TBCD: variants seen among roughly 807,000 people sequenced by gnomAD.
The protein encoded by TBCD is tubulin folding cofactor D, also known as tubulin-specific chaperone D.
TBCD carries 105 observed loss-of-function variants against 169.3 expected under a neutral mutation model. The ratio of observed to expected loss-of-function variants is 0.62; its 90% CI spans 0.53 to 0.73. TBCD has a LOEUF of 0.73. Among genes scored for constraint, TBCD ranks in the 30% least tolerant of loss-of-function variants. The pLI is 0.00. For synonymous variants in TBCD, 700 were observed against 643.9 expected (o/e 1.09, Z -1.32); for missense variants, 1,444 against 1,600.1 (o/e 0.90, Z 1.66).
chr17:82,907,785 G>C lies in TBCD; in HGVS notation c.1947G>C (p.Glu649Asp). The stretch of plus-strand genomic sequence containing the variant: ...GGCCCGTCACGGACCATCTGGACGA[G>C]CAGGCAGTGCAGGGCCTGAAGCAGA... ...ENRPVTDHLD[E>D]QAVQGLKQIH... is the part of the protein sequence containing the mutation. The change falls in exon 21 of 39, where the codon GAG becomes GAC. Residue 649 changes from glutamate to aspartate, a missense_variant. By Grantham distance (45) the Glu-to-Asp change is conservative (BLOSUM62 2). Transcript: ENST00000355528. 2 of 1,613,796 alleles carry C rather than the reference G, an allele frequency of 1.2e-6. No homozygotes were observed. Among genetic ancestry groups the C allele is most frequent in the South Asian group, 1.1e-5 (1 of 91,014 alleles).
In TBCD at chr17:82,783,417, A is replaced by G. The variant is rs114937757; in HGVS notation, c.771+1696A>G. Among the ~76,000 whole-genome samples, 1,163 of 152,296 alleles carry G rather than the reference A, an allele frequency of 7.6e-3. 10 individuals are homozygous for G. Among genetic ancestry groups the G allele is most frequent in the African/African-American group, 0.027 (1,107 of 41,532 alleles). On this transcript the variant is annotated intron_variant, in intron 7 of 38. Transcript: ENST00000355528. ...GTAATTTATCCTTCTAAGGTAAACA[A>G]TTCTGTAGTTTTCTGTGCGGTCATC... is the stretch of plus-strand genomic sequence containing the variant.
At chr17:82,777,837 T>TC (rs1250111356) in intron 6 of TBCD, among the ~76,000 whole-genome samples, 2 of 135,672 alleles carry the variant, frequency 1.5e-5, no homozygotes, top group Non-Finnish European at 1.6e-5. Flanking sequence ...TTCTCTAAAC[T>TC]CCCCCGGGGA....
Position 82,870,318 on chromosome 17 carries a change from C to T in TBCD, c.1413C>T (p.Cys471=). ...TNVRDAACYV[C]WAFARAYEPQ... Reference sequence around the variant, plus strand: ...TCAGGGACGCCGCCTGCTACGTGTGCTGGGCCTTCGCGCGTGCCTATGAGC... The same window carrying T: ...TCAGGGACGCCGCCTGCTACGTGTGTTGGGCCTTCGCGCGTGCCTATGAGC... Residue 471 remains cysteine (C), a synonymous_variant, in exon 14 of 39, where the codon TGC becomes TGT. Transcript: ENST00000355528. The T allele has an allele frequency of 3.7e-6, 6 of 1,613,576 alleles. No homozygotes were observed. The highest frequency in any genetic ancestry group is 5.1e-6 in the Non-Finnish European group (6 of 1,179,886).
At chr17:82,932,241 CTT>C (rs752578287) in intron 33 of TBCD, 21 of 299,618 alleles carry the variant, frequency 7.0e-5, no homozygotes, top group Non-Finnish European at 1.2e-4. Flanking sequence ...TGGGACGCGT[CTT>C]GAGTGAGGTT....
intron 7 of TBCD, among the ~76,000 whole-genome samples, chr17:82,783,598 G>A (rs973962154): frequency 2.0e-5 from 3 of 152,168 alleles, no homozygotes; most frequent in Non-Finnish European, 2.9e-5. Flanking sequence ...CACCAGAGTC[G>A]TACACGACAC....
intron 2 of TBCD, among the ~76,000 whole-genome samples, chr17:82,760,090 T>C (rs976343677): frequency 2.6e-5 from 4 of 152,120 alleles, no homozygotes; most frequent in Non-Finnish European, 5.9e-5. Context: ...GCCAGGATAG[T>C]CTCGAACTCC....
At chr17:82,870,415 G>T (rs781013042) in intron 14 of TBCD, 35 bp downstream of exon 14, 1 of 1,599,758 alleles carries the variant, frequency 6.3e-7, no homozygotes. Context: ...CGGATGCGCC[G>T]TGCCCCCTGA....
At chr17:82,879,301 T>G (rs2058194515) in intron 14 of TBCD, among the ~76,000 whole-genome samples, 1 of 152,100 alleles carries the variant, frequency 6.6e-6, no homozygotes, top group Non-Finnish European at 1.5e-5. Context: ...AGTCCATGTT[T>G]GCACAGACAC....
chr17:82,942,764 C>A lies in TBCD; in HGVS notation c.*301C>A. On this transcript the variant is annotated 3_prime_UTR_variant, in exon 39 of 39. Coordinates refer to ENST00000355528, the MANE Select transcript of TBCD (RefSeq NM_005993.5). ...AGGGGTGATGGAAAGGCTCACTGCC[C>A]AGGGGTCAGCCAGAGGGGAGGTGGG... The A allele has an allele frequency of 2.0e-6, 1 of 508,526 alleles. No individual in the cohort carries two copies. The highest frequency in any genetic ancestry group is 3.5e-6 in the Non-Finnish European group (1 of 286,644). 31.5% of individuals were successfully genotyped at this position (508,526 alleles called of 1,614,324 possible).
intron 13 of TBCD, among the ~76,000 whole-genome samples, chr17:82,853,803 C>T (rs372951928): frequency 6.6e-6 from 1 of 152,150 alleles, no homozygotes; most frequent in Admixed American, 6.5e-5. Context: ...TAAAAATCTA[C>T]CGTATGTGAT....
intron 13 of TBCD, chr17:82,830,415 C>T (rs373278721): frequency 6.2e-6 from 10 of 1,611,544 alleles, no homozygotes; most frequent in Middle Eastern, 1.6e-4. Flanking sequence ...CCACGGCTGC[C>T]GTCTGCTTCT....
At chr17:82,937,984 G>A (rs556985368) in intron 35 of TBCD, 65 bp from the exon 36 acceptor site, 29 of 1,595,306 alleles carry the variant, frequency 1.8e-5, no homozygotes, top group Admixed American at 5.2e-5. Context: ...CTTTGGGTCC[G>A]GGGTTTGCTG....
chr17:82,771,677 T>C (rs113204697), intron 5 of TBCD, among the ~76,000 whole-genome samples: 2 of 152,074 alleles, frequency 1.3e-5, no homozygotes, highest in African/African-American at 4.8e-5. Flanking sequence ...CCCCAGCCTC[T>C]CAAAGTGCTG....
intron 34 of TBCD, among the ~76,000 whole-genome samples, chr17:82,934,718 C>T (rs1480609903): frequency 6.6e-6 from 1 of 152,118 alleles, no homozygotes; most frequent in Non-Finnish European, 1.5e-5. Flanking sequence ...GTGATCTGCC[C>T]ACTTCTGCCT....
At position 82,773,705 on chromosome 17, in the gene TBCD, G is replaced by A. The variant is rs546973962; in HGVS notation, c.638+1198G>A. Reference sequence around the variant, plus strand: ...CTTCCAAAACGAGATGACCTGGTGCGAGAGTGTCTTTTCTTTTTCTTTCTT... The same window carrying A: ...CTTCCAAAACGAGATGACCTGGTGCAAGAGTGTCTTTTCTTTTTCTTTCTT... On this transcript the variant is annotated intron_variant, in intron 6 of 38. Transcript: ENST00000355528. 3.1e-3 allele frequency among the ~76,000 whole-genome samples: 478 copies of A among 151,912 alleles called. 4 individuals carry two copies. The highest frequency in any genetic ancestry group is 0.011 in the African/African-American group (453 of 41,430).
At chr17:82,763,007 G>A (rs2677913) in intron 2 of TBCD, among the ~76,000 whole-genome samples, 57,456 of 152,008 alleles carry the variant, frequency 0.38, 10,937 homozygotes, top group Middle Eastern at 0.41. Flanking sequence ...TGAACATTCC[G>A]CGTGCACTTG....
chr17:82,915,410 G>A lies in TBCD; in HGVS notation c.2038+3621G>A, dbSNP rs894999077. On this transcript the variant is annotated intron_variant, in intron 23 of 38. Coordinates refer to ENST00000355528, the MANE Select transcript of TBCD (RefSeq NM_005993.5). This position sits in a 1 kb window ranked among gnomAD's most constrained non-coding sequence, Gnocchi z 4.3. ...GTCGTGAATATTCACGAGAGGAGAT[G>A]AACATCCTGGATGTCCTCAGCGTGG... is the stretch of plus-strand genomic sequence containing the variant. Among the ~76,000 whole-genome samples the A allele has an allele frequency of 2.6e-5, 4 of 152,306 alleles. No individual in the cohort carries two copies. The highest frequency in any genetic ancestry group is 3.9e-4 in the East Asian group (2 of 5,178).
rs1295995328 is a variant in TBCD, at chr17:82,840,954, G to GTTTTT, written c.1318+26045_1318+26049dup. 4.0e-3 allele frequency among the ~76,000 whole-genome samples: 177 copies of GTTTTT among 44,274 alleles called. 3 individuals carry two copies. The highest frequency in any genetic ancestry group is 6.6e-3 in the Non-Finnish European group (144 of 21,802). 29.0% of individuals were successfully genotyped at this position (44,274 alleles called of 152,430 possible). On this transcript the variant is annotated intron_variant, in intron 13 of 38. Coordinates refer to ENST00000355528, the MANE Select transcript of TBCD (RefSeq NM_005993.5). ...CGAGCTGGCCAGGACAGACAAACTGGTTTTTTTTTTTTTTTTTTTTTTTTT... is the reference window on the plus strand; with the variant it reads ...CGAGCTGGCCAGGACAGACAAACTGGTTTTTTTTTTTTTTTTTTTTTTTTTTTTTT...
rs769585261 is a variant in TBCD at position 82,831,270 on chromosome 17, C to T, written c.1318+16336C>T. ...CGCGGGGGCTCATTTTGGACCCTTC[C>T]GTGTCTCTCTGCCCAGCCTTGGAGG... On this transcript the variant is annotated intron_variant, in intron 13 of 38. Coordinates refer to ENST00000355528, the MANE Select transcript of TBCD (RefSeq NM_005993.5). This position sits in a 1 kb window ranked among gnomAD's most constrained non-coding sequence, Gnocchi z 4.6. 21 of 1,613,722 alleles carry T rather than the reference C, an allele frequency of 1.3e-5. No homozygotes were observed. Among genetic ancestry groups the T allele is most frequent in the Admixed American group, 1.7e-5 (1 of 60,006 alleles).
Sources: gnomAD v4.1 joint callset for allele counts (sites outside exome capture counted in the v4.1 genomes callset) on GRCh38, gnomAD v4.1.1 for gene constraint, Gnocchi (gnomAD v3.1) non-coding constraint, MANE v1.5 for transcripts, NCBI Gene and HGNC (gene_info 2026-07-23, HGNC 2026-07-21) for gene names.